Variants in RAF1 observed in about 807,000 individuals in gnomAD.
RAF1 encodes the protein Raf-1 proto-oncogene, serine/threonine kinase, also known as RAF proto-oncogene serine/threonine-protein kinase.
A neutral mutation model predicts 81.1 loss-of-function variants in RAF1; 27 were observed. The ratio of observed to expected loss-of-function variants is 0.33; its 90% confidence interval spans 0.25 to 0.46. The LOEUF (loss-of-function observed/expected upper bound fraction) is 0.46. Ranked by LOEUF, RAF1 falls within the 20% of genes least tolerant of loss-of-function variation. RAF1 has a pLI of 1.00. For missense variants in RAF1, 598 were observed against 826.0 expected (o/e 0.72, Z 3.38); for synonymous variants, 298 against 294.0 (o/e 1.01, Z -0.14).
chr3:12,586,307 A>G (rs893095329), intron 14 of RAF1, among the ~76,000 whole-genome samples: 5 of 152,196 alleles, frequency 3.3e-5, no homozygotes, highest in Admixed American at 3.3e-4. Context: ...GAAATTCCTC[A>G]CTAGAATCGG....
intron 11 of RAF1, among the ~76,000 whole-genome samples, chr3:12,592,731 CTTT>C (rs35189562): frequency 2.8e-5 from 3 of 107,224 alleles, no homozygotes; most frequent in Admixed American, 1.1e-4. Context: ...TTAAAAGCCA[CTTT>C]TTTTTTTTTT....
Position 12,618,544 on chromosome 3 carries a change from C to A in RAF1, c.178G>T (p.Val60Phe). 1 of 1,614,162 alleles carries A rather than the reference C, an allele frequency of 6.2e-7. No individual in the cohort carries two copies. Among genetic ancestry groups the A allele is most frequent in the Non-Finnish European group, 8.5e-7 (1 of 1,180,044 alleles). Residue 60 changes from valine to phenylalanine, a missense_variant, in exon 2 of 18, where the codon GTT (valine) becomes TTT (phenylalanine). Physicochemically the swap from Val to Phe is conservative, Grantham distance 50. Around this residue, in one of 5 missense-constraint regions of RAF1, gnomAD observed 89 missense variants for 169.2 expected, o/e 0.53. Transcript: ENST00000442415. ...GTTCTTTGCTTGTTCGGCAAGAAAA[C>A]ACGGATAGTGTTGCTTGTCTTAGAA...
intron 1 of RAF1, among the ~76,000 whole-genome samples, chr3:12,657,866 A>C (rs2060748004): frequency 1.4e-5 from 1 of 69,674 alleles, no homozygotes; most frequent in East Asian, 1.1e-3. Flanking sequence ...CAAAAAAAAA[A>C]CAAAACAAAA....
chr3:12,638,073 A>G (rs2060081899), intron 1 of RAF1, among the ~76,000 whole-genome samples: 1 of 152,098 alleles, frequency 6.6e-6, no homozygotes, highest in Non-Finnish European at 1.5e-5. Flanking sequence ...TTTGGTTTTC[A>G]TAATAATTTA....
In RAF1 at chr3:12,587,837, C is replaced by CTTTTTTTTTTT. The variant is rs374515740; in HGVS notation, c.1431-211_1431-201dup. 533 of 194,638 alleles carry CTTTTTTTTTTT rather than the reference C, an allele frequency of 2.7e-3. 43 individuals are homozygous for CTTTTTTTTTTT. Among genetic ancestry groups the CTTTTTTTTTTT allele is most frequent in the African/African-American group, 8.7e-3 (272 of 31,272 alleles). 12.1% of individuals were successfully genotyped at this position (194,638 alleles called of 1,614,324 possible). On this transcript the variant is annotated intron_variant, in intron 13 of 17. Transcript: ENST00000442415. ...GGCCACAGCACAAACATGCTTACAC[C>CTTTTTTTTTTT]TTTTTTTTTTTTTTTTTGGAGACTG...
At chr3:12,590,601 C>T (rs941102029) in intron 13 of RAF1, 197 bp downstream of exon 12, 18 of 630,578 alleles carry the variant, frequency 2.9e-5, no homozygotes, top group Admixed American at 2.3e-4. Context: ...GCTGGGATTA[C>T]AGGTGTGAGC....
intron 1 of RAF1, among the ~76,000 whole-genome samples, chr3:12,645,179 G>A (rs973152398): frequency 6.7e-6 from 1 of 149,824 alleles, no homozygotes; most frequent in Admixed American, 6.7e-5. Flanking sequence ...AAGGTTTTAA[G>A]AGATTCTTAG....
In RAF1 at chr3:12,612,352, T is replaced by C. The variant is rs537368489; in HGVS notation, c.208-290A>G. Among the ~76,000 whole-genome samples the C allele has an allele frequency of 3.3e-5, 5 of 152,268 alleles. No homozygotes were observed. The South Asian group carries it at 1.0e-3, about 32-fold the overall frequency. On this transcript the variant is annotated intron_variant, in intron 2 of 17. Transcript: ENST00000442415. ...CCTTCAGAATAATAGAGTAAGATTA[T>C]TTTAAAGGTGAAGAGGCCAGGCACG...
At chr3:12,649,482 T>C (rs1161053184) in intron 1 of RAF1, among the ~76,000 whole-genome samples, 1 of 151,868 alleles carries the variant, frequency 6.6e-6, no homozygotes, top group Non-Finnish European at 1.5e-5. Flanking sequence ...GCCTCTAGTC[T>C]CAGCTACTAA....
intron 1 of RAF1, among the ~76,000 whole-genome samples, chr3:12,639,100 A>C (rs2060111394): frequency 6.6e-6 from 1 of 152,100 alleles, no homozygotes; most frequent in Non-Finnish European, 1.5e-5. Flanking sequence ...TCCATCATAT[A>C]AACAGAACCA....
At chr3:12,611,593 C>G (rs902035988) in intron 3 of RAF1, among the ~76,000 whole-genome samples, 1 of 151,996 alleles carries the variant, frequency 6.6e-6, no homozygotes, top group African/African-American at 2.4e-5. Context: ...CCAGCTACTC[C>G]GGAGGCTGAG....
At position 12,585,258 on chromosome 3, in the gene RAF1, A is replaced by G. The variant is rs768987002; in HGVS notation, c.1597-5T>C. On this transcript the variant is annotated splice_region_variant and splice_polypyrimidine_tract_variant and intron_variant, in intron 15 of 17. Coordinates refer to ENST00000442415, the MANE Select transcript of RAF1 (RefSeq NM_001354689.3). Reference sequence around the variant, plus strand: ...CATTCGGATCACCTCTGGGGCCTACATGTATCACCATATGACAAAAGTGCA... The same window carrying G: ...CATTCGGATCACCTCTGGGGCCTACGTGTATCACCATATGACAAAAGTGCA... 11 of 1,613,946 alleles carry G rather than the reference A, an allele frequency of 6.8e-6. No individual in the cohort carries two copies. Among genetic ancestry groups the G allele is most frequent in the African/African-American group, 1.3e-5 (1 of 74,916 alleles).
intron 1 of RAF1, among the ~76,000 whole-genome samples, chr3:12,628,756 G>GA (rs999514999): frequency 7.2e-6 from 1 of 138,994 alleles, no homozygotes; most frequent in East Asian, 2.3e-4. Flanking sequence ...ATTTTTGGGG[G>GA]GGGGGGGTGG....
At chr3:12,645,192 C>G (rs2060309039) in intron 1 of RAF1, among the ~76,000 whole-genome samples, 1 of 150,866 alleles carries the variant, frequency 6.6e-6, no homozygotes, top group South Asian at 2.1e-4. Flanking sequence ...ATTCTTAGAT[C>G]TACCTAAAAC....
chr3:12,637,051 T>A (rs1339371971), intron 1 of RAF1, among the ~76,000 whole-genome samples: 1 of 152,134 alleles, frequency 6.6e-6, no homozygotes, highest in Non-Finnish European at 1.5e-5. Context: ...ATAGTGTATA[T>A]AAAGTACCTA....
In RAF1 at chr3:12,584,581, C is replaced by G. The variant is rs730881006; in HGVS notation, c.1940G>C (p.Arg647Pro). ...ATTGATATCCTCAGTGTGGGCTGCC[C>G]GATGCAAGGATGGCTCGGAAGCGCT... The change falls in exon 18 of 18, where the codon CGG becomes CCG. Residue 647 changes from arginine (R) to proline (P), a missense_variant. By Grantham distance (103) the Arg-to-Pro change is moderately radical. Transcript: ENST00000442415. 3.1e-6 allele frequency: 5 copies of G among 1,614,088 alleles called. No homozygotes were observed. The Admixed American group carries it at 5.0e-5, about 16-fold the overall frequency.
rs61275660 is a variant in RAF1 at position 12,662,338 on chromosome 3, TAAA to T, written c.-27+1472_-27+1474del. ...GCGACAGAGTGAGATCCTGTTCCTT[TAAA>T]AAAAAAAAAAAAAAAAAAAAAAAAA... On this transcript the variant is annotated intron_variant, in intron 1 of 17. Coordinates refer to ENST00000442415, the MANE Select transcript of RAF1 (RefSeq NM_001354689.3). Among the ~76,000 whole-genome samples the T allele has an allele frequency of 3.8e-3, 386 of 100,336 alleles. 1 individual carries two copies. The highest frequency in any genetic ancestry group is 0.011 in the African/African-American group (265 of 24,760). 65.8% of individuals were successfully genotyped at this position (100,336 alleles called of 152,430 possible). A position where few individuals can be genotyped will look rare whatever the true frequency, so the allele number is the denominator to read the frequency against.
intron 11 of RAF1, chr3:12,592,135 C>A: frequency 2.7e-6 from 1 of 367,444 alleles, no homozygotes; most frequent in Non-Finnish European, 5.3e-6. Context: ...CCTTCGATAG[C>A]CTTGGTTAAA....
chr3:12,587,561 A>T, intron 14 of RAF1, 30 bp downstream of exon 13: 2 of 1,583,504 alleles, frequency 1.3e-6, no homozygotes, highest in Non-Finnish European at 1.7e-6. Context: ...AGAACCGAGC[A>T]GTCAAATGAA....
Sources: allele counts gnomAD v4.1 joint callset (sites outside exome capture counted in the v4.1 genomes callset), GRCh38; gene constraint gnomAD v4.1.1; regional missense constraint gnomAD v4.1.1; transcripts MANE v1.5; gene names NCBI Gene and HGNC (gene_info 2026-07-23, HGNC 2026-07-21).